DLGAP2: variants seen among roughly 807,000 people sequenced by gnomAD.
DLGAP2 encodes the protein DLG associated protein 2, also known as disks large-associated protein 2.
Under a neutral mutation model 100.3 loss-of-function variants are expected in DLGAP2, and 26 were observed. The observed-to-expected ratio is 0.26, with a 90% confidence interval of 0.19 to 0.36. The LOEUF (loss-of-function observed/expected upper bound fraction) is 0.36, where lower values mean the gene tolerates loss of function less well. DLGAP2 is among the 10% of genes least tolerant of loss of function. The pLI, the probability that DLGAP2 is intolerant of heterozygous loss-of-function variation, is 1.00. For synonymous variants in DLGAP2, 886 were observed against 630.1 expected (o/e 1.41, Z -6.08); for missense variants, 1,858 against 1,453.2 (o/e 1.28, Z -4.53).
At chr8:1,481,098 G>C (rs1246238123) in intron 3 of DLGAP2, among the ~76,000 whole-genome samples, 1 of 152,126 alleles carries the variant, frequency 6.6e-6, no homozygotes, top group East Asian at 1.9e-4. Context: ...CGTGAACCTG[G>C]GAGGCGGAGC....
rs911728332 is a variant in DLGAP2 at position 1,706,329 on chromosome 8, G to A, written c.*4923G>A. The A allele has an allele frequency of 2.0e-5, 3 of 152,204 alleles. No individual in the cohort carries two copies. The highest frequency in any genetic ancestry group is 4.4e-5 in the Non-Finnish European group (3 of 68,052). The allele number at this position is 152,204 out of a possible 1,614,324, so 9.4% of individuals were successfully genotyped here. On this transcript the variant is annotated 3_prime_UTR_variant, in exon 15 of 15. Coordinates refer to ENST00000637795, the MANE Select transcript of DLGAP2 (RefSeq NM_001346810.2). ...GTCTTCCTCCAGGACACACTGTGAG[G>A]ATTAATGACATATTGGCTCTAAAGT...
At chr8:1,613,398 G>A in intron 6 of DLGAP2, among the ~76,000 whole-genome samples, 1 of 151,970 alleles carries the variant, frequency 6.6e-6, no homozygotes, top group East Asian at 1.9e-4. Flanking sequence ...GTGGTGGGGT[G>A]GGGGGAGCGG....
intron 2 of DLGAP2, among the ~76,000 whole-genome samples, chr8:915,861 C>T (rs981025561): frequency 5.3e-5 from 8 of 150,364 alleles, no homozygotes; most frequent in Admixed American, 2.0e-4. Flanking sequence ...TCAGTTCACC[C>T]GTCCGTCCAT....
intron 4 of DLGAP2, 61 bp from the exon 5 acceptor site, chr8:1,548,565 C>A (rs6996621): frequency 0.046 from 64,591 of 1,412,434 alleles, 2,566 homozygotes; most frequent in African/African-American, 0.2. Context: ...CACATATTCC[C>A]CGCACCTGAG....
chr8:1,529,101 G>T (rs1019624424), intron 4 of DLGAP2, among the ~76,000 whole-genome samples: 3 of 152,180 alleles, frequency 2.0e-5, no homozygotes, highest in African/African-American at 7.2e-5. Flanking sequence ...AAGGAAAGAG[G>T]TTTAATTGAC....
intron 2 of DLGAP2, among the ~76,000 whole-genome samples, chr8:1,161,020 C>T (rs1335864616): frequency 6.6e-6 from 1 of 152,206 alleles, no homozygotes; most frequent in African/African-American, 2.4e-5. Flanking sequence ...AATGCATTTA[C>T]TTATATCCAA....
At chr8:1,311,570 T>G (rs762882388) in intron 3 of DLGAP2, among the ~76,000 whole-genome samples, 10 of 152,196 alleles carry the variant, frequency 6.6e-5, no homozygotes, top group Non-Finnish European at 1.2e-4. Context: ...ATTAAAAGGT[T>G]TAGACTTGTC....
intron 1 of DLGAP2, among the ~76,000 whole-genome samples, chr8:900,474 G>A (rs1798230715): frequency 6.6e-6 from 1 of 152,222 alleles, no homozygotes; most frequent in Non-Finnish European, 1.5e-5. Context: ...ACACCTTGGA[G>A]GTGGTGGTCT....
intron 2 of DLGAP2, among the ~76,000 whole-genome samples, chr8:963,564 C>T (rs973927908): frequency 1.3e-5 from 2 of 152,166 alleles, no homozygotes; most frequent in East Asian, 1.9e-4. Flanking sequence ...CTCAACACAA[C>T]GTAAGCAAGG....
chr8:765,880 C>G (rs1177379506), intron 1 of DLGAP2, among the ~76,000 whole-genome samples: 1 of 152,120 alleles, frequency 6.6e-6, no homozygotes, highest in African/African-American at 2.4e-5. Flanking sequence ...CAAACATACC[C>G]ACATATGGCC....
chr8:834,370 C>A (rs57325036), intron 1 of DLGAP2, among the ~76,000 whole-genome samples: 36,066 of 152,110 alleles, frequency 0.24, 4,672 homozygotes, highest in Non-Finnish European at 0.3. Flanking sequence ...GAAGTTTAAG[C>A]CATTATAGTT....
chr8:1,678,535 GT>G lies in DLGAP2; in HGVS notation c.2615del (p.Leu872Ter). The G allele has an allele frequency of 6.2e-7, 1 of 1,601,108 alleles. No individual in the cohort carries two copies. ...MSPCRRDGSW[F>X]LKLLHAETKR... Reference sequence around the variant, plus strand: ...CTCCGTGCCGCAGGGATGGCTCGTGGTTTTTGAAGCTGCTGCACGCAGAGAC... The same window carrying G: ...CTCCGTGCCGCAGGGATGGCTCGTGGTTTTGAAGCTGCTGCACGCAGAGAC... On this transcript the variant is annotated frameshift_variant, in exon 12 of 15. Coordinates refer to ENST00000637795, the MANE Select transcript of DLGAP2 (RefSeq NM_001346810.2). LOFTEE classifies it high-confidence loss of function.
At chr8:1,358,493 G>A (rs55785714) in intron 3 of DLGAP2, among the ~76,000 whole-genome samples, 11,500 of 152,128 alleles carry the variant, frequency 0.076, 597 homozygotes, top group Middle Eastern at 0.16. Context: ...CAAGGGCTGC[G>A]TTCACCCACT....
intron 6 of DLGAP2, among the ~76,000 whole-genome samples, chr8:1,570,166 T>G (rs1177931219): frequency 6.6e-6 from 1 of 152,170 alleles, no homozygotes; most frequent in Non-Finnish European, 1.5e-5. Context: ...CATAGGGACC[T>G]CAGATTAAAC....
At chr8:1,005,029 G>T (rs1476873042) in intron 2 of DLGAP2, among the ~76,000 whole-genome samples, 1 of 152,180 alleles carries the variant, frequency 6.6e-6, no homozygotes, top group Non-Finnish European at 1.5e-5. Context: ...TGTGACCATG[G>T]AGGGCAATGA....
intron 3 of DLGAP2, among the ~76,000 whole-genome samples, chr8:1,447,045 CAAT>C (rs1403599438): frequency 6.6e-6 from 1 of 152,180 alleles, no homozygotes. Flanking sequence ...CAAAGAGGGA[CAAT>C]TTGACTTCCT....
intron 2 of DLGAP2, among the ~76,000 whole-genome samples, chr8:1,119,353 G>A (rs940460462): frequency 2.0e-5 from 3 of 152,204 alleles, no homozygotes; most frequent in Admixed American, 1.3e-4. Flanking sequence ...AGCTCCAGTT[G>A]CCTCCCCATG....
At chr8:850,859 A>G (rs1253613759) in intron 1 of DLGAP2, among the ~76,000 whole-genome samples, 1 of 152,152 alleles carries the variant, frequency 6.6e-6, no homozygotes, top group African/African-American at 2.4e-5. Flanking sequence ...ATTCAGAGGT[A>G]AGTTAGTAAA....
intron 7 of DLGAP2, among the ~76,000 whole-genome samples, chr8:1,628,090 C>A (rs1382340618): frequency 1.5e-4 from 17 of 114,294 alleles, no homozygotes; most frequent in Admixed American, 1.3e-3. Flanking sequence ...TACTGTGGAG[C>A]AGGAATTAAG....
Sources: allele counts gnomAD v4.1 joint callset (sites outside exome capture counted in the v4.1 genomes callset), GRCh38; gene constraint gnomAD v4.1.1; transcripts MANE v1.5; gene names NCBI Gene and HGNC (gene_info 2026-07-23, HGNC 2026-07-21).